Variants in TTN observed in about 807,000 individuals in gnomAD.
The protein encoded by TTN is titin, also known as connectin.
Under a neutral mutation model 3,223.0 loss-of-function variants are expected in TTN, and 1,525 were observed. The ratio of observed to expected loss-of-function variants is 0.47; its 90% CI spans 0.45 to 0.49. The LOEUF (loss-of-function observed/expected upper bound fraction) is 0.49. Among genes scored for constraint, TTN ranks in the 20% least tolerant of loss-of-function variants. The pLI is 0.00. For synonymous variants in TTN, 14,094 were observed against 15,161.0 expected (o/e 0.93, Z 5.17); for missense variants, 40,786 against 43,424.0 (o/e 0.94, Z 5.40).
At position 178,584,449 on chromosome 2, in the gene TTN, C is replaced by G. The variant is rs756852802; in HGVS notation, c.65102G>C (p.Arg21701Thr). Residue 21701 changes from arginine to threonine, a missense_variant, in exon 311 of 363, where the codon AGA (arginine) becomes ACA (threonine). Transcript: ENST00000589042. ...IIGYLIERKE[R>T]NSLLWVKAND... ...GGCTTTCACCCACAGCAAACTGTTT[C>G]TTTCCTTGCGTTCAATCAGATAACC... 1.2e-6 allele frequency: 2 copies of G among 1,613,310 alleles called. No individual in the cohort carries two copies. Among genetic ancestry groups the G allele is most frequent in the Non-Finnish European group, 1.7e-6 (2 of 1,179,520 alleles).
Position 178,636,847 on chromosome 2 carries a change from C to A in TTN, c.40928-48G>T. The stretch of plus-strand genomic sequence containing the variant: ...GTTGATTTGGCATCTCCTTAGGAGT[C>A]AGAAAGTTCATACTTGGCTGCCTGC... On this transcript the variant is annotated intron_variant, in intron 224 of 362. Coordinates refer to ENST00000589042, the MANE Select transcript of TTN (RefSeq NM_001267550.2). The surrounding 1 kb of genome is among the most constrained non-coding windows in gnomAD (Gnocchi z 4.3). 1 of 1,505,394 alleles carries A rather than the reference C, an allele frequency of 6.6e-7. No individual in the cohort carries two copies. The highest frequency in any genetic ancestry group is 1.4e-5 in the South Asian group (1 of 71,862). The allele number at this position is 1,505,394 out of a possible 1,614,324, so 93.3% of individuals were successfully genotyped here. A position where few individuals can be genotyped will look rare whatever the true frequency, so the allele number is the denominator to read the frequency against.
rs780014505 is a variant in TTN at position 178,728,517 on chromosome 2, G to T, written c.19409C>A (p.Ala6470Asp). The T allele has an allele frequency of 6.2e-7, 1 of 1,610,516 alleles. No individual in the cohort carries two copies. Among genetic ancestry groups the T allele is most frequent in the South Asian group, 1.1e-5 (1 of 90,782 alleles). ...ENDFGSSSCD[A>D]YLRVLDQNIP... is the part of the protein sequence containing the mutation. ...ATACAAACCTAGCACTCTTAAGTAG[G>T]CATCACAGCTACTGCTTCCGAAGTC... The change falls in exon 66 of 363, where the codon GCC (alanine) becomes GAC (aspartate). Residue 6470 changes from alanine (A) to aspartate (D), a missense_variant. By Grantham distance (126) the Ala-to-Asp change is moderately radical. Transcript: ENST00000589042.
Position 178,581,743 on chromosome 2 carries a change from T to C in TTN, c.66525A>G (p.Leu22175=). 6.2e-7 allele frequency: 1 copy of C among 1,608,668 alleles called. No homozygotes were observed. The highest frequency in any genetic ancestry group is 8.5e-7 in the Non-Finnish European group (1 of 1,177,272). Residue 22175 remains leucine (L), a synonymous_variant, in exon 316 of 363, where the codon CTA becomes CTG. Coordinates refer to ENST00000589042, the MANE Select transcript of TTN (RefSeq NM_001267550.2). ...CGTCATAGGCTGGCTTGCCCCAAGA[T>C]AGACTCACAGAGCTGCGAGTTGTAT... ...VYDTTRSSVS[L]SWGKPAYDGG...
In TTN at chr2:178,730,214, C is replaced by A. The variant is rs56050216; in HGVS notation, c.18186G>T (p.Lys6062Asn). ...GCTCTAGACTGGTAGAGGTGTCATC[C>A]TTCCAAACTGAGCGGGCTGCTCCTG... ...LHSGAARSVW[K>N]DDTSTSLELF... Residue 6062 changes from lysine to asparagine, a missense_variant, in exon 62 of 363, where the codon AAG (lysine) becomes AAT (asparagine). Coordinates refer to ENST00000589042, the MANE Select transcript of TTN (RefSeq NM_001267550.2). 6.2e-7 allele frequency: 1 copy of A among 1,613,422 alleles called. No homozygotes were observed. The highest frequency in any genetic ancestry group is 8.5e-7 in the Non-Finnish European group (1 of 1,179,648).
Position 178,553,488 on chromosome 2 carries a change from C to T in TTN, c.89503+14G>A. 1 of 1,591,208 alleles carries T rather than the reference C, an allele frequency of 6.3e-7. No individual in the cohort carries two copies. The highest frequency in any genetic ancestry group is 8.6e-7 in the Non-Finnish European group (1 of 1,168,952). On this transcript the variant is annotated intron_variant, in intron 334 of 362. Transcript: ENST00000589042. ...TGCTTATTAAAAAACATAATCAAAC[C>T]AGTAGGTACATACCAAGTATATCTT...
intron 49 of TTN, among the ~76,000 whole-genome samples, chr2:178,737,024 C>A (rs1342895040): frequency 6.6e-6 from 1 of 152,016 alleles, no homozygotes; most frequent in Admixed American, 6.6e-5. Flanking sequence ...TTGACTGTAC[C>A]TCTACCCCTG....
chr2:178,612,474 G>T lies in TTN; in HGVS notation c.50051C>A (p.Thr16684Asn). ...GTCTCTCTTTTCCACAATGTAGTTGGTGATGGGGGACCCTCCATCTTTCTC... is the reference window on the plus strand; with the variant it reads ...GTCTCTCTTTTCCACAATGTAGTTGTTGATGGGGGACCCTCCATCTTTCTC... ...VPEKDGGSPITNYIVEKRDVR... is the reference protein window; with the variant it reads ...VPEKDGGSPINNYIVEKRDVR... Residue 16684 changes from threonine (T) to asparagine (N), a missense_variant, in exon 266 of 363, where the codon ACC becomes AAC. Physicochemically the swap from Thr to Asn is moderately conservative, Grantham distance 65 (BLOSUM62 0). Coordinates refer to ENST00000589042, the MANE Select transcript of TTN (RefSeq NM_001267550.2). The T allele has an allele frequency of 1.2e-6, 2 of 1,612,258 alleles. No homozygotes were observed. The highest frequency in any genetic ancestry group is 3.3e-5 in the Admixed American group (2 of 59,888).
rs777996842 is a variant in TTN at position 178,593,129 on chromosome 2, AAGTT to A, written c.59035+40_59035+43del. 5.0e-5 allele frequency: 80 copies of A among 1,610,162 alleles called. 1 individual carries two copies. In the Middle Eastern group the frequency reaches 2.1e-3, roughly 43 times the overall value. ...ACGAATTAGCATATAGCTGAAAACA[AAGTT>A]AGATAACATGAAAACTGAATAAATC... On this transcript the variant is annotated intron_variant, in intron 299 of 362. Coordinates refer to ENST00000589042, the MANE Select transcript of TTN (RefSeq NM_001267550.2).
chr2:178,766,766 A>C (rs2090514581), intron 40 of TTN, among the ~76,000 whole-genome samples, 154 bp from the exon 41 acceptor site: 1 of 152,182 alleles, frequency 6.6e-6, no homozygotes, highest in East Asian at 1.9e-4. Flanking sequence ...AGCACTCTCT[A>C]ATTTTTCCTG....
Position 178,684,944 on chromosome 2 carries a change from G to A in TTN, c.32516C>T (p.Ala10839Val). 5 of 1,609,384 alleles carry A rather than the reference G, an allele frequency of 3.1e-6. No homozygotes were observed. The highest frequency in any genetic ancestry group is 3.4e-6 in the Non-Finnish European group (4 of 1,177,630). Residue 10839 changes from alanine to valine, a missense_variant, in exon 130 of 363, where the codon GCT becomes GTT. Ala to Val is a moderately conservative substitution (Grantham distance 64, BLOSUM62 0). Coordinates refer to ENST00000589042, the MANE Select transcript of TTN (RefSeq NM_001267550.2). The part of the protein sequence containing the change: ...KKIVPEKKVP[A>V]PVPKKEKVPP... ...CACCTTTTCCTTTTTAGGAACTGGA[G>A]CAGGAACTTTCTTTTCTGGCACAAT... is the stretch of plus-strand genomic sequence containing the variant.
intron 79 of TTN, 44 bp downstream of exon 79, chr2:178,720,877 A>C (rs1158161078): frequency 1.4e-5 from 21 of 1,529,880 alleles, no homozygotes; most frequent in African/African-American, 6.9e-5. Flanking sequence ...TAAGAGCCCA[A>C]ATCAGAGGAG....
chr2:178,631,315 T>C lies in TTN; in HGVS notation c.43748-15A>G, dbSNP rs1297708995. On this transcript the variant is annotated splice_polypyrimidine_tract_variant and intron_variant, in intron 236 of 362. Transcript: ENST00000589042. Reference sequence around the variant, plus strand: ...TGGGTCTCCCTCTGCAAGTAAAGTATAAGTGAAAAGCTTTTATTAATCACC... The same window carrying C: ...TGGGTCTCCCTCTGCAAGTAAAGTACAAGTGAAAAGCTTTTATTAATCACC... 7 of 1,592,112 alleles carry C rather than the reference T, an allele frequency of 4.4e-6. No homozygotes were observed. In the East Asian group the frequency reaches 1.3e-4, roughly 31 times the overall value.
chr2:178,663,583 C>T (rs753112345), intron 171 of TTN, 44 bp downstream of exon 171: 5 of 1,613,388 alleles, frequency 3.1e-6, no homozygotes, highest in South Asian at 2.2e-5. Flanking sequence ...TTTTCCAGAG[C>T]AGAAGAGATA....
chr2:178,777,614 T>G (rs1236698026), intron 25 of TTN, 30 bp from the exon 26 acceptor site: 8 of 1,613,332 alleles, frequency 5.0e-6, no homozygotes, highest in Non-Finnish European at 6.8e-6. Context: ...AGAAAGTAGA[T>G]TTTAAAATAG....
chr2:178,681,514 C>T, intron 136 of TTN, 64 bp from the exon 137 acceptor site: 1 of 1,511,658 alleles, frequency 6.6e-7, no homozygotes, highest in Non-Finnish European at 9.0e-7. Context: ...CTAGCAAGAA[C>T]AAAAAGTTAA....
chr2:178,634,838 G>T lies in TTN; in HGVS notation c.42036C>A (p.Ile14012=). The T allele has an allele frequency of 6.2e-7, 1 of 1,608,012 alleles. No individual in the cohort carries two copies. Among genetic ancestry groups the T allele is most frequent in the South Asian group, 1.1e-5 (1 of 89,448 alleles). ...AGAAGCGTTTTCCACCTTCTGCTTTGATTTCACAAGTCTGAAAAACAATAG... is the reference window on the plus strand; with the variant it reads ...AGAAGCGTTTTCCACCTTCTGCTTTTATTTCACAAGTCTGAAAAACAATAG... ...ELLRPSPTCE[I]KAEGGKRFLT... is the part of the protein sequence containing the mutation. The change falls in exon 229 of 363, where the codon ATC becomes ATA. Residue 14012 remains isoleucine, a synonymous_variant. Transcript: ENST00000589042. This position sits in a 1 kb window ranked among gnomAD's most constrained non-coding sequence, Gnocchi z 4.6.
In TTN at chr2:178,775,352, T is replaced by A; in HGVS notation, c.6508+4A>T. 1 of 1,613,932 alleles carries A rather than the reference T, an allele frequency of 6.2e-7. No homozygotes were observed. Among genetic ancestry groups the A allele is most frequent in the South Asian group, 1.1e-5 (1 of 91,086 alleles). The stretch of plus-strand genomic sequence containing the variant: ...GTCCATCAAAGGAAAGACATGCAAA[T>A]TACCTTGGACAAGTAAGAATGCGTG... On this transcript the variant is annotated splice_donor_region_variant and intron_variant, in intron 28 of 362. Transcript: ENST00000589042.
rs776831920 is a variant in TTN at position 178,560,096 on chromosome 2, C to T, written c.86036G>A (p.Gly28679Asp). The T allele has an allele frequency of 3.7e-6, 6 of 1,613,678 alleles. No individual in the cohort carries two copies. The highest frequency in any genetic ancestry group is 1.1e-5 in the South Asian group (1 of 91,072). The change falls in exon 326 of 363, where the codon GGT becomes GAT. Residue 28679 changes from glycine to aspartate, a missense_variant. Physicochemically the swap from Gly to Asp is moderately conservative, Grantham distance 94 (BLOSUM62 -1). Transcript: ENST00000589042. ...TIAWVKPLFD[G>D]GAPITGYTVE... is the part of the protein sequence containing the mutation. ...AGTATATCCAGTTATCGGGGCCCCACCATCAAACAGCGGCTTAACCCAGGC... is the reference window on the plus strand; with the variant it reads ...AGTATATCCAGTTATCGGGGCCCCATCATCAAACAGCGGCTTAACCCAGGC...
rs72629782 is a variant in TTN, at chr2:178,534,907, C to A, written c.101708G>T (p.Arg33903Leu). 1.2e-6 allele frequency: 2 copies of A among 1,609,828 alleles called. No individual in the cohort carries two copies. The highest frequency in any genetic ancestry group is 1.7e-6 in the Non-Finnish European group (2 of 1,179,778). The change falls in exon 358 of 363, where the codon CGC (arginine) becomes CTC (leucine). Residue 33903 changes from arginine to leucine, a missense_variant. Coordinates refer to ENST00000589042, the MANE Select transcript of TTN (RefSeq NM_001267550.2). ...EFISGLDIFERINTSAFELNE... is the reference protein window; with the variant it reads ...EFISGLDIFELINTSAFELNE... ...AAGTTCAAAAGCACTTGTGTTAATG[C>A]GCTCAAATATGTCAAGTCCTGATAT...
Sources: allele counts gnomAD v4.1 joint callset (sites outside exome capture counted in the v4.1 genomes callset), GRCh38; gene constraint gnomAD v4.1.1; non-coding constraint Gnocchi (gnomAD v3.1); transcripts MANE v1.5; gene names NCBI Gene and HGNC (gene_info 2026-07-23, HGNC 2026-07-21).